The following DOK5 variants were observed in gnomAD, a reference collection of about 807,000 sequenced individuals.
DOK5 encodes the protein downstream of tyrosine kinase 5.
In DOK5, 27 loss-of-function variants were observed where a neutral mutation model predicts 43.3. The ratio of observed to expected loss-of-function variants is 0.62; its 90% CI spans 0.46 to 0.86. The LOEUF (loss-of-function observed/expected upper bound fraction) is 0.86, where lower values mean the gene tolerates loss of function less well. DOK5 is among the 40% of genes least tolerant of loss of function. DOK5 has a pLI of 0.00. For missense variants in DOK5, 373 were observed against 392.9 expected (o/e 0.95, Z 0.43); for synonymous variants, 146 against 140.1 (o/e 1.04, Z -0.30).
chr20:54,565,935 T>C (rs1985078874), intron 2 of DOK5, among the ~76,000 whole-genome samples: 1 of 151,252 alleles, frequency 6.6e-6, no homozygotes, highest in Admixed American at 6.6e-5. Context: ...GGAGAATCAC[T>C]TGAACCCGGG....
intron 1 of DOK5, among the ~76,000 whole-genome samples, chr20:54,517,332 G>T (rs925604143): frequency 2.6e-5 from 4 of 152,116 alleles, no homozygotes; most frequent in Non-Finnish European, 4.4e-5. Flanking sequence ...TTTATAACAA[G>T]CTTAAATTTT....
intron 5 of DOK5, among the ~76,000 whole-genome samples, chr20:54,606,670 G>T (rs897181649): frequency 6.6e-6 from 1 of 152,202 alleles, no homozygotes; most frequent in Non-Finnish European, 1.5e-5. Context: ...ATTTTAGAGT[G>T]TTGTAAAGCT....
chr20:54,637,423 G>A (rs1398923494), intron 6 of DOK5, among the ~76,000 whole-genome samples: 2 of 152,206 alleles, frequency 1.3e-5, no homozygotes, highest in East Asian at 3.9e-4. Flanking sequence ...GGGATCTTGA[G>A]CTAACACTGC....
At chr20:54,525,852 A>G (rs1258265048) in intron 1 of DOK5, among the ~76,000 whole-genome samples, 1 of 152,230 alleles carries the variant, frequency 6.6e-6, no homozygotes, top group Non-Finnish European at 1.5e-5. Flanking sequence ...AGTTGTATTC[A>G]GGCCTTCTAA....
At chr20:54,611,276 T>C (rs1986642219) in intron 6 of DOK5, among the ~76,000 whole-genome samples, 1 of 152,180 alleles carries the variant, frequency 6.6e-6, no homozygotes, top group Non-Finnish European at 1.5e-5. Flanking sequence ...ATTATGTTCA[T>C]GAGGCCAGGT....
At chr20:54,558,235 A>AT (rs761983739) in intron 2 of DOK5, among the ~76,000 whole-genome samples, 1 of 152,240 alleles carries the variant, frequency 6.6e-6, no homozygotes, top group Non-Finnish European at 1.5e-5. Flanking sequence ...ACCAAAGTGG[A>AT]TGAAAAAGCT....
chr20:54,606,627 C>T (rs1364930556), intron 5 of DOK5, among the ~76,000 whole-genome samples: 1 of 152,098 alleles, frequency 6.6e-6, no homozygotes, highest in Non-Finnish European at 1.5e-5. Context: ...GGAGTTAGCC[C>T]ATCATATGGT....
chr20:54,639,284 C>T (rs1680781740), intron 6 of DOK5, among the ~76,000 whole-genome samples: 1 of 152,214 alleles, frequency 6.6e-6, no homozygotes, highest in South Asian at 2.1e-4. Context: ...GCCACCATTG[C>T]CAGCTTTCTG....
chr20:54,645,111 A>C (rs1979345206), intron 7 of DOK5, among the ~76,000 whole-genome samples: 1 of 142,870 alleles, frequency 7.0e-6, no homozygotes, highest in Non-Finnish European at 1.5e-5. Context: ...AAAACTCTTT[A>C]ATGATGAGGT....
rs137863153 is a variant in DOK5, at chr20:54,520,502, G to C, written c.67-34431G>C. Among the ~76,000 whole-genome samples, 19 of 152,266 alleles carry C rather than the reference G, an allele frequency of 1.2e-4. 1 individual carries two copies. The East Asian group carries it at 3.7e-3, about 29-fold the overall frequency. ...CTCAAAATTCTGCAAGTCTTGGCCA[G>C]GTAAGGTGGCTCATACCCATAATCC... On this transcript the variant is annotated intron_variant, in intron 1 of 7. Coordinates refer to ENST00000262593, the MANE Select transcript of DOK5 (RefSeq NM_018431.5).
At chr20:54,534,118 C>T (rs1304824904) in intron 1 of DOK5, among the ~76,000 whole-genome samples, 1 of 152,160 alleles carries the variant, frequency 6.6e-6, no homozygotes, top group Admixed American at 6.5e-5. Context: ...CGTTTTTGAT[C>T]AAACCTTGGG....
intron 1 of DOK5, among the ~76,000 whole-genome samples, chr20:54,492,009 C>T (rs1328229521): frequency 6.6e-6 from 1 of 151,738 alleles, no homozygotes; most frequent in Non-Finnish European, 1.5e-5. Context: ...AGAAAATGGA[C>T]CCACTCTATC....
chr20:54,619,575 G>A (rs955183284), intron 6 of DOK5, among the ~76,000 whole-genome samples: 2 of 152,190 alleles, frequency 1.3e-5, no homozygotes, highest in African/African-American at 2.4e-5. Flanking sequence ...GCCCCACTGA[G>A]GGGGACGTTC....
chr20:54,618,076 G>T (rs1986868139), intron 6 of DOK5, among the ~76,000 whole-genome samples: 1 of 152,200 alleles, frequency 6.6e-6, no homozygotes, highest in Admixed American at 6.5e-5. Context: ...TGAGGCCTAT[G>T]CTCCTACAGG....
Position 54,582,545 on chromosome 20 carries a change from A to G in DOK5, c.175-5938A>G, listed in dbSNP as rs187892938. Among the ~76,000 whole-genome samples the G allele has an allele frequency of 1.1e-4, 16 of 151,654 alleles. No homozygotes were observed. The East Asian group carries it at 3.1e-3, about 30-fold the overall frequency. On this transcript the variant is annotated intron_variant, in intron 2 of 7. Coordinates refer to ENST00000262593, the MANE Select transcript of DOK5 (RefSeq NM_018431.5). ...TTCTTTGTTGGAAGATTTATGATTAATTATTGAATCCCTTAATAGTTACAG... is the reference window on the plus strand; with the variant it reads ...TTCTTTGTTGGAAGATTTATGATTAGTTATTGAATCCCTTAATAGTTACAG...
Position 54,591,855 on chromosome 20 carries a change from G to A in DOK5, c.599+50G>A. The A allele has an allele frequency of 2.0e-6, 3 of 1,495,244 alleles. No individual in the cohort carries two copies. The South Asian group carries it at 3.7e-5, about 19-fold the overall frequency. 92.6% of individuals were successfully genotyped at this position (1,495,244 alleles called of 1,614,324 possible). A position where few individuals can be genotyped will look rare whatever the true frequency, so the allele number is the denominator to read the frequency against. The stretch of plus-strand genomic sequence containing the variant: ...TATTTTTCTGTTTGTGTGTGTGTGT[G>A]TTCATTTTTACCATGCTCGCATCAT... On this transcript the variant is annotated intron_variant, in intron 5 of 7. Transcript: ENST00000262593.
intron 1 of DOK5, among the ~76,000 whole-genome samples, chr20:54,488,256 C>T (rs776555767): frequency 6.6e-6 from 1 of 152,158 alleles, no homozygotes; most frequent in Non-Finnish European, 1.5e-5. Flanking sequence ...GATTGGATAG[C>T]AACCCTTCCC....
In DOK5 at chr20:54,588,708, G is replaced by A. The variant is rs764290120; in HGVS notation, c.311G>A (p.Cys104Tyr). 3.2e-5 allele frequency: 51 copies of A among 1,613,970 alleles called. No homozygotes were observed. The highest frequency in any genetic ancestry group is 4.2e-5 in the Non-Finnish European group (49 of 1,179,968). Residue 104 changes from cysteine (C) to tyrosine (Y), a missense_variant, in exon 4 of 8, where the codon TGC (cysteine) becomes TAC (tyrosine). Transcript: ENST00000262593. ...ACAGATCTTGAGGCTGATGAGTGGT[G>A]CAAAGTACTCCAGATGGAGTGTGTA... ...CESDLEADEW[C>Y]KVLQMECVGT...
chr20:54,626,937 T>A (rs1281458091), intron 6 of DOK5, among the ~76,000 whole-genome samples: 1 of 152,218 alleles, frequency 6.6e-6, no homozygotes, highest in Non-Finnish European at 1.5e-5. Flanking sequence ...CCTGTTCATT[T>A]ATGAGTTGTT....
Sources: gnomAD v4.1 joint callset for allele counts (sites outside exome capture counted in the v4.1 genomes callset) on GRCh38, gnomAD v4.1.1 for gene constraint, MANE v1.5 for transcripts, NCBI Gene and HGNC (gene_info 2026-07-23, HGNC 2026-07-21) for gene names.